The following PARD3 variants were observed in gnomAD, a reference collection of about 807,000 sequenced individuals.
The protein encoded by PARD3 is par-3 family cell polarity regulator.
PARD3 carries 75 observed loss-of-function variants against 155.4 expected under a neutral mutation model. That is an observed-to-expected ratio of 0.48 (90% CI 0.40 to 0.58). The LOEUF (loss-of-function observed/expected upper bound fraction) is 0.58. PARD3 is among the 20% of genes least tolerant of loss of function. The pLI, the probability that PARD3 is intolerant of heterozygous loss-of-function variation, is 0.00. For synonymous variants in PARD3, 576 were observed against 610.5 expected (o/e 0.94, Z 0.83); for missense variants, 1,642 against 1,721.7 (o/e 0.95, Z 0.82).
At chr10:34,333,676 C>G (rs142696913) in intron 18 of PARD3, among the ~76,000 whole-genome samples, 1,842 of 152,168 alleles carry the variant, frequency 0.012, 28 homozygotes, top group Admixed American at 0.04. Context: ...TTTACTGGAA[C>G]ACAGCCATGC....
rs572560032 is a variant in PARD3, at chr10:34,772,083, T to C, written c.120+42793A>G. On this transcript the variant is annotated intron_variant, in intron 1 of 24. Coordinates refer to ENST00000374788, the MANE Select transcript of PARD3 (RefSeq NM_001184785.2). ...CAAGATGCACCCCTCCAGGGGTTCCTGCTTTCACTCACAAATCCAGAATGC... is the reference window on the plus strand; with the variant it reads ...CAAGATGCACCCCTCCAGGGGTTCCCGCTTTCACTCACAAATCCAGAATGC... 1.3e-3 allele frequency among the ~76,000 whole-genome samples: 197 copies of C among 152,318 alleles called. 1 individual carries two copies. Among genetic ancestry groups the C allele is most frequent in the African/African-American group, 4.6e-3 (190 of 41,570 alleles).
chr10:34,359,982 C>T (rs1839285035), intron 13 of PARD3, 89 bp downstream of exon 13: 1 of 954,638 alleles, frequency 1.0e-6, no homozygotes, highest in South Asian at 1.6e-5. Flanking sequence ...GAGAAAACTT[C>T]TGTTAACTGT....
intron 2 of PARD3, among the ~76,000 whole-genome samples, chr10:34,681,392 G>C (rs907192041): frequency 6.6e-6 from 1 of 151,986 alleles, no homozygotes; most frequent in Admixed American, 6.6e-5. Flanking sequence ...ATTCAAGACT[G>C]CCTCTTTGGG....
At chr10:34,561,770 G>A (rs1310963109) in intron 2 of PARD3, among the ~76,000 whole-genome samples, 26 of 151,408 alleles carry the variant, frequency 1.7e-4, no homozygotes, top group African/African-American at 4.9e-4. Context: ...CGCCCACCTC[G>A]GCCTCCCAAA....
At chr10:34,205,377 C>T (rs1292188570) in intron 22 of PARD3, among the ~76,000 whole-genome samples, 1 of 151,844 alleles carries the variant, frequency 6.6e-6, no homozygotes, top group Non-Finnish European at 1.5e-5. Flanking sequence ...CTAGATAGGC[C>T]GGGTGAAATG....
intron 1 of PARD3, among the ~76,000 whole-genome samples, chr10:34,762,356 C>T (rs774950846): frequency 6.6e-6 from 1 of 151,622 alleles, no homozygotes; most frequent in Non-Finnish European, 1.5e-5. Context: ...TACAGTAACA[C>T]GATCACAACT....
intron 22 of PARD3, among the ~76,000 whole-genome samples, chr10:34,167,055 A>G (rs1949563626): frequency 6.6e-6 from 1 of 152,154 alleles, no homozygotes; most frequent in Non-Finnish European, 1.5e-5. Context: ...ACCACTAAAG[A>G]GTTACGCCTG....
rs1956794045 is a variant in PARD3 at position 34,294,063 on chromosome 10, T to C, written c.3066-9818A>G. Among the ~76,000 whole-genome samples the C allele has an allele frequency of 4.3e-5, 6 of 141,044 alleles. No individual in the cohort carries two copies. In the South Asian group the frequency reaches 1.4e-3, roughly 33 times the overall value. The allele number at this position is 141,044 out of a possible 152,430, so 92.5% of individuals were successfully genotyped here. Reference sequence around the variant, plus strand: ...AGAAAAAGGAAAAGGTGGAATGATATTTCACTACACACCTTTCTCTAGGAC... The same window carrying C: ...AGAAAAAGGAAAAGGTGGAATGATACTTCACTACACACCTTTCTCTAGGAC... On this transcript the variant is annotated intron_variant, in intron 20 of 24. Transcript: ENST00000374788.
At chr10:34,806,484 C>T (rs886673160) in intron 1 of PARD3, among the ~76,000 whole-genome samples, 1 of 152,112 alleles carries the variant, frequency 6.6e-6, no homozygotes, top group African/African-American at 2.4e-5. Context: ...CCACCACACC[C>T]GGCCTATGCC....
chr10:34,607,134 C>T (rs1054171571), intron 2 of PARD3, among the ~76,000 whole-genome samples: 2 of 152,108 alleles, frequency 1.3e-5, no homozygotes, highest in African/African-American at 2.4e-5. Flanking sequence ...AAAACTAGTA[C>T]CAAGTTTTCT....
chr10:34,444,155 G>C (rs1176339674), intron 5 of PARD3, among the ~76,000 whole-genome samples: 5 of 152,212 alleles, frequency 3.3e-5, no homozygotes, highest in Non-Finnish European at 5.9e-5. Context: ...TGGCTGGAAT[G>C]TGCCTTGTGC....
At chr10:34,513,219 T>C (rs1385035373) in intron 3 of PARD3, among the ~76,000 whole-genome samples, 2 of 152,176 alleles carry the variant, frequency 1.3e-5, no homozygotes, top group African/African-American at 2.4e-5. Flanking sequence ...CAGAAGGAAA[T>C]AGTATGCATC....
Position 34,396,586 on chromosome 10 carries a change from GA to G in PARD3, c.890+2743del, listed in dbSNP as rs558661473. Among the ~76,000 whole-genome samples the G allele has an allele frequency of 2.5e-3, 388 of 152,172 alleles. 6 individuals carry two copies. Among genetic ancestry groups the G allele is most frequent in the Admixed American group, 0.023 (358 of 15,288 alleles). On this transcript the variant is annotated intron_variant, in intron 7 of 24. Coordinates refer to ENST00000374788, the MANE Select transcript of PARD3 (RefSeq NM_001184785.2). ...GCTCTGACTTTGAAAATCTAAATGA[GA>G]AAGCAATATTGACATGTATTTGTCA...
chr10:34,798,109 C>T (rs1842478937), intron 1 of PARD3, among the ~76,000 whole-genome samples: 1 of 151,386 alleles, frequency 6.6e-6, no homozygotes, highest in African/African-American at 2.4e-5. Context: ...CACTTGAGAC[C>T]AAAAGTTCAA....
intron 14 of PARD3, among the ~76,000 whole-genome samples, chr10:34,356,058 G>A (rs905300488): frequency 1.3e-5 from 2 of 151,956 alleles, no homozygotes; most frequent in African/African-American, 4.8e-5. Context: ...CCCGGAGTAG[G>A]GTAGCAGAAA....
chr10:34,113,476 T>G (rs912278468), intron 24 of PARD3, among the ~76,000 whole-genome samples: 2 of 151,172 alleles, frequency 1.3e-5, no homozygotes, highest in African/African-American at 4.9e-5. Context: ...GATATGTGGG[T>G]AAAATGCACA....
intron 3 of PARD3, among the ~76,000 whole-genome samples, chr10:34,482,343 T>C (rs1264070811): frequency 6.6e-6 from 1 of 152,020 alleles, no homozygotes; most frequent in African/African-American, 2.4e-5. Flanking sequence ...GGCTAATGTT[T>C]CTATTTTTTA....
chr10:34,345,986 T>C, intron 15 of PARD3: 1 of 984,798 alleles, frequency 1.0e-6, no homozygotes, highest in Non-Finnish European at 1.2e-6. Context: ...TTGTAAAAAT[T>C]ATCTTAAGAA....
At chr10:34,664,564 C>T (rs947272380) in intron 2 of PARD3, among the ~76,000 whole-genome samples, 1 of 152,158 alleles carries the variant, frequency 6.6e-6, no homozygotes. Context: ...CAGCTCACAG[C>T]AGCCTCTGCC....
Sources: gnomAD v4.1 joint callset for allele counts (sites outside exome capture counted in the v4.1 genomes callset) on GRCh38, gnomAD v4.1.1 for gene constraint, MANE v1.5 for transcripts, NCBI Gene and HGNC (gene_info 2026-07-23, HGNC 2026-07-21) for gene names.